Variants in TAS2R31 observed in about 807,000 individuals in gnomAD.
TAS2R31 encodes the protein taste 2 receptor member 31, also known as taste receptor type 2 member 31.
For synonymous variants in TAS2R31, 118 were observed against 131.4 expected (o/e 0.90, Z 0.70); for missense variants, 352 against 347.4 (o/e 1.01, Z -0.10).
At position 11,030,578 on chromosome 12, in the gene TAS2R31, C is replaced by G. The variant is rs774442911; in HGVS notation, c.758G>C (p.Gly253Ala). Residue 253 changes from glycine (G) to alanine (A), a missense_variant, in exon 1 of 1, where the codon GGG becomes GCG. Physicochemically the swap from Gly to Ala is moderately conservative, Grantham distance 60 (BLOSUM62 0). Transcript: ENST00000390675. ...LSIMISVWSF[G>A]SLENKPVFMF... ...GAAGACAGGTTTGTTTTCCAGACTC[C>G]CAAAACTCCAAACTGATATCATTAT... 18 of 1,574,090 alleles carry G rather than the reference C, an allele frequency of 1.1e-5. No homozygotes were observed. The South Asian group carries it at 1.9e-4, about 17-fold the overall frequency.
At position 11,031,161 on chromosome 12, in the gene TAS2R31, G is replaced by C. The variant is rs753650026; in HGVS notation, c.175C>G (p.Leu59Val). ...TALAVSRVGL[L>V]WVLLLNWYST... Reference sequence around the variant, plus strand: ...TACCAATTTAATAATAATACCCAGAGCAAACCAACTCTGGAGACCGCCAGA... The same window carrying C: ...TACCAATTTAATAATAATACCCAGACCAAACCAACTCTGGAGACCGCCAGA... The change falls in exon 1 of 1, where the codon CTC becomes GTC. Residue 59 changes from leucine to valine, a missense_variant. By Grantham distance (32) the Leu-to-Val change is conservative (BLOSUM62 1). Transcript: ENST00000390675. 3.7e-6 allele frequency: 6 copies of C among 1,614,206 alleles called. No individual in the cohort carries two copies. Among genetic ancestry groups the C allele is most frequent in the Non-Finnish European group, 5.1e-6 (6 of 1,180,028 alleles).
At position 11,031,051 on chromosome 12, in the gene TAS2R31, G is replaced by C; in HGVS notation, c.285C>G (p.Ser95Arg). The change falls in exon 1 of 1, where the codon AGC becomes AGG. Residue 95 changes from serine (S) to arginine (R), a missense_variant. By Grantham distance (110) the Ser-to-Arg change is moderately radical. Coordinates refer to ENST00000390675, the MANE Select transcript of TAS2R31 (RefSeq NM_176885.2). Reference sequence around the variant, plus strand: ...TGCTGAGGCTAGTAGCAAGCCAGTTGCTGAAATGGCCGGTTACTGCCCAGA... The same window carrying C: ...TGCTGAGGCTAGTAGCAAGCCAGTTCCTGAAATGGCCGGTTACTGCCCAGA... The part of the protein sequence containing the change: ...YNVWAVTGHF[S>R]NWLATSLSIF... The C allele has an allele frequency of 6.2e-7, 1 of 1,614,302 alleles. No individual in the cohort carries two copies. The highest frequency in any genetic ancestry group is 8.5e-7 in the Non-Finnish European group (1 of 1,180,056).
Position 11,030,690 on chromosome 12 carries a change from A to T in TAS2R31, c.646T>A (p.Ser216Thr), listed in dbSNP as rs1942153618. The change falls in exon 1 of 1, where the codon TCT becomes ACT. Residue 216 changes from serine (S) to threonine (T), a missense_variant. Transcript: ENST00000390675. ...TGGACCTTGGTGCTGGGATCTTGAG[A>T]TCCTTTACCATGGAGCTGCATCTTC... ...LKKMQLHGKG[S>T]QDPSTKVHIK... 1.2e-6 allele frequency: 2 copies of T among 1,614,100 alleles called. No homozygotes were observed. Among genetic ancestry groups the T allele is most frequent in the African/African-American group, 1.3e-5 (1 of 74,932 alleles).
rs745382271 is a variant in TAS2R31, at chr12:11,030,869, T to C, written c.467A>G (p.Lys156Arg). Residue 156 changes from lysine to arginine, a missense_variant, in exon 1 of 1, where the codon AAA (lysine) becomes AGA (arginine). Coordinates refer to ENST00000390675, the MANE Select transcript of TAS2R31 (RefSeq NM_176885.2). ...CCAAGTCAAGTTTCCTTCATATTCTTTTGTCCGTACAATCTCTTTCATGTT... is the reference window on the plus strand; with the variant it reads ...CCAAGTCAAGTTTCCTTCATATTCTCTTGTCCGTACAATCTCTTTCATGTT... The part of the protein sequence containing the change: ...VINMKEIVRT[K>R]EYEGNLTWKI... 6.2e-7 allele frequency: 1 copy of C among 1,614,176 alleles called. No individual in the cohort carries two copies. Among genetic ancestry groups the C allele is most frequent in the Non-Finnish European group, 8.5e-7 (1 of 1,179,994 alleles).
the TAS2R31 span, chr12:11,030,755 CAT>C: frequency 1.3e-5 from 20 of 1,598,930 alleles, no homozygotes; most frequent in Non-Finnish European, 1.6e-5. Flanking sequence ...CAGCAAAAAA[CAT>C]AGCAGGGTCA....
Position 11,031,166 on chromosome 12 carries a change from C to A in TAS2R31, c.170G>T (p.Gly57Val). The change falls in exon 1 of 1, where the codon GGT becomes GTT. Residue 57 changes from glycine to valine, a missense_variant. By Grantham distance (109) the Gly-to-Val change is moderately radical. Transcript: ENST00000390675. Reference protein sequence around the residue: ...ILTALAVSRVGLLWVLLLNWY... With the variant: ...ILTALAVSRVVLLWVLLLNWY... ...ATTTAATAATAATACCCAGAGCAAA[C>A]CAACTCTGGAGACCGCCAGAGCAGT... 1 of 1,614,194 alleles carries A rather than the reference C, an allele frequency of 6.2e-7. No individual in the cohort carries two copies. Among genetic ancestry groups the A allele is most frequent in the Non-Finnish European group, 8.5e-7 (1 of 1,180,026 alleles).
rs761224141 is a variant in TAS2R31 at position 11,031,063 on chromosome 12, G to T, written c.273C>A (p.Thr91=). ...TAGCAAGCCAGTTGCTGAAATGGCCGGTTACTGCCCAGACATTATAAGCAG... is the reference window on the plus strand; with the variant it reads ...TAGCAAGCCAGTTGCTGAAATGGCCTGTTACTGCCCAGACATTATAAGCAG... The part of the protein sequence containing the change: ...RTTAYNVWAV[T]GHFSNWLATS... Residue 91 remains threonine, a synonymous_variant, in exon 1 of 1, where the codon ACC becomes ACA. Transcript: ENST00000390675. 4 of 1,614,268 alleles carry T rather than the reference G, an allele frequency of 2.5e-6. No homozygotes were observed. Among genetic ancestry groups the T allele is most frequent in the South Asian group, 1.1e-5 (1 of 91,090 alleles).
In TAS2R31 at chr12:11,030,480, G is replaced by C. The variant is rs1235860455; in HGVS notation, c.856C>G (p.Leu286Val). ...AAAACTGAAAGAAAAGTCTGCTTTA[G>C]CTTCTTGTTTCCCCAAATCAGGATG... Reference protein sequence around the residue: ...PFILIWGNKKLKQTFLSVLRQ... With the variant: ...PFILIWGNKKVKQTFLSVLRQ... The change falls in exon 1 of 1, where the codon CTA (leucine) becomes GTA (valine). Residue 286 changes from leucine (L) to valine (V), a missense_variant. Leu to Val is a conservative substitution (Grantham distance 32). Transcript: ENST00000390675. The C allele has an allele frequency of 1.4e-5, 22 of 1,614,278 alleles. No individual in the cohort carries two copies. The highest frequency in any genetic ancestry group is 1.9e-5 in the Non-Finnish European group (22 of 1,180,044).
rs1323095775 is a variant in TAS2R31 at position 11,031,360 on chromosome 12, T to C, written c.-25A>G. 2 of 1,605,216 alleles carry C rather than the reference T, an allele frequency of 1.2e-6. No individual in the cohort carries two copies. Among genetic ancestry groups the C allele is most frequent in the South Asian group, 2.2e-5 (2 of 89,414 alleles). ...TGTCTGAACAGACAAAAAAAAATTG[T>C]TTTAATGCTGGTGTTGTGTCCGGAG... is the stretch of plus-strand genomic sequence containing the variant. On this transcript the variant is annotated 5_prime_UTR_variant, in exon 1 of 1. Transcript: ENST00000390675.
Position 11,031,233 on chromosome 12 carries a change from G to A in TAS2R31, c.103C>T (p.Arg35Trp), listed in dbSNP as rs10845295. Residue 35 changes from arginine to tryptophan, a missense_variant, in exon 1 of 1, where the codon CGG (arginine) becomes TGG (tryptophan). By Grantham distance (101) the Arg-to-Trp change is moderately radical. Transcript: ENST00000390675. The stretch of plus-strand genomic sequence containing the variant: ...AAAGAGATCTTTTGTCTCTTGACCC[G>A]CTCAATGGAATTTACCAATGCTATG... ...GFIALVNSIE[R>W]VKRQKISFAD... 0.5 allele frequency: 762,427 copies of A among 1,538,912 alleles called. 186,874 individuals are homozygous for A. Among genetic ancestry groups the A allele is most frequent in the Non-Finnish European group, 0.53 (600,201 of 1,133,972 alleles).
Position 11,031,269 on chromosome 12 carries a change from C to T in TAS2R31, c.67G>A (p.Ala23Thr). Residue 23 changes from alanine (A) to threonine (T), a missense_variant, in exon 1 of 1, where the codon GCT becomes ACT. By Grantham distance (58) the Ala-to-Thr change is moderately conservative. Transcript: ENST00000390675. ...TTTACCAATGCTATGAAGCCATTAG[C>T]AAAATTTCCAATAACAAATAGAACC... ...VVVLFVIGNF[A>T]NGFIALVNSI... is the part of the protein sequence containing the mutation. 1 of 1,613,902 alleles carries T rather than the reference C, an allele frequency of 6.2e-7. No homozygotes were observed. Among genetic ancestry groups the T allele is most frequent in the Non-Finnish European group, 8.5e-7 (1 of 1,179,882 alleles).
rs774250089 is a variant in TAS2R31, at chr12:11,031,359, GT to G, written c.-25del. 6.9e-7 allele frequency: 1 copy of G among 1,445,108 alleles called. No homozygotes were observed. Among genetic ancestry groups the G allele is most frequent in the Non-Finnish European group, 9.4e-7 (1 of 1,067,026 alleles). 89.5% of individuals were successfully genotyped at this position (1,445,108 alleles called of 1,614,324 possible). ...ATGTCTGAACAGACAAAAAAAAATT[GT>G]TTTAATGCTGGTGTTGTGTCCGGAG... is the stretch of plus-strand genomic sequence containing the variant. On this transcript the variant is annotated 5_prime_UTR_variant, in exon 1 of 1. Coordinates refer to ENST00000390675, the MANE Select transcript of TAS2R31 (RefSeq NM_176885.2).
rs781702749 is a variant in TAS2R31, at chr12:11,030,413, G to A, written c.923C>T (p.Ser308Phe). 1.2e-5 allele frequency: 20 copies of A among 1,613,626 alleles called. No homozygotes were observed. Among genetic ancestry groups the A allele is most frequent in the Admixed American group, 1.7e-5 (1 of 59,958 alleles). ...AATGCCCCTCTCATGAATCTATGGA[G>A]ATGAAGGCTTCTCTCCTTTCACCCA... is the stretch of plus-strand genomic sequence containing the variant. The part of the protein sequence containing the change: ...RYWVKGEKPS[S>F]P Residue 308 changes from serine (S) to phenylalanine (F), a missense_variant, in exon 1 of 1, where the codon TCT becomes TTT. Physicochemically the swap from Ser to Phe is radical, Grantham distance 155. Transcript: ENST00000390675.
chr12:11,031,053 T>C lies in TAS2R31; in HGVS notation c.283A>G (p.Ser95Gly), dbSNP rs1409527083. ...YNVWAVTGHF[S>G]NWLATSLSIF... ...CTGAGGCTAGTAGCAAGCCAGTTGC[T>C]GAAATGGCCGGTTACTGCCCAGACA... Residue 95 changes from serine to glycine, a missense_variant, in exon 1 of 1, where the codon AGC (serine) becomes GGC (glycine). Physicochemically the swap from Ser to Gly is moderately conservative, Grantham distance 56. Transcript: ENST00000390675. 2 of 1,614,308 alleles carry C rather than the reference T, an allele frequency of 1.2e-6. No homozygotes were observed. Among genetic ancestry groups the C allele is most frequent in the South Asian group, 2.2e-5 (2 of 91,092 alleles).
chr12:11,030,641 A>G lies in TAS2R31; in HGVS notation c.695T>C (p.Ile232Thr). The G allele has an allele frequency of 6.2e-7, 1 of 1,614,214 alleles. No homozygotes were observed. Among genetic ancestry groups the G allele is most frequent in the Non-Finnish European group, 8.5e-7 (1 of 1,180,034 alleles). Residue 232 changes from isoleucine (I) to threonine (T), a missense_variant, in exon 1 of 1, where the codon ATC becomes ACC. Ile to Thr is a moderately conservative substitution (Grantham distance 89). Coordinates refer to ENST00000390675, the MANE Select transcript of TAS2R31 (RefSeq NM_176885.2). ...AACGGCACATAACAAGAGGAAAAAGATCACAGTTTGCAAAGCTTTTATGTG... is the reference window on the plus strand; with the variant it reads ...AACGGCACATAACAAGAGGAAAAAGGTCACAGTTTGCAAAGCTTTTATGTG... ...KVHIKALQTV[I>T]FFLLLCAVYF... is the part of the protein sequence containing the mutation.
Position 11,031,011 on chromosome 12 carries a change from T to G in TAS2R31, c.325A>C (p.Lys109Gln). Reference sequence around the variant, plus strand: ...ATAAGGTTGGAGAAATTGGCAATCTTGAGCAAATAAAATATGCTGAGGCTA... The same window carrying G: ...ATAAGGTTGGAGAAATTGGCAATCTGGAGCAAATAAAATATGCTGAGGCTA... ...ATSLSIFYLL[K>Q]IANFSNLIFL... The change falls in exon 1 of 1, where the codon AAG becomes CAG. Residue 109 changes from lysine (K) to glutamine (Q), a missense_variant. Lys to Gln is a moderately conservative substitution (Grantham distance 53). Transcript: ENST00000390675. 6.2e-7 allele frequency: 1 copy of G among 1,614,310 alleles called. No individual in the cohort carries two copies. Among genetic ancestry groups the G allele is most frequent in the South Asian group, 1.1e-5 (1 of 91,092 alleles).
In TAS2R31 at chr12:11,030,848, G is replaced by C; in HGVS notation, c.488C>G (p.Thr163Ser). The change falls in exon 1 of 1, where the codon ACT becomes AGT. Residue 163 changes from threonine (T) to serine (S), a missense_variant. By Grantham distance (58) the Thr-to-Ser change is moderately conservative. Transcript: ENST00000390675. ...TGCACTCCTCAATTTGATCTTCCAA[G>C]TCAAGTTTCCTTCATATTCTTTTGT... is the stretch of plus-strand genomic sequence containing the variant. ...VRTKEYEGNL[T>S]WKIKLRSAVY... is the part of the protein sequence containing the mutation. 1 of 1,614,170 alleles carries C rather than the reference G, an allele frequency of 6.2e-7. No individual in the cohort carries two copies. The highest frequency in any genetic ancestry group is 1.1e-5 in the South Asian group (1 of 91,080).
Position 11,030,462 on chromosome 12 carries a change from A to G in TAS2R31, c.874T>C (p.Ser292Pro). The change falls in exon 1 of 1, where the codon TCA becomes CCA. Residue 292 changes from serine (S) to proline (P), a missense_variant. Coordinates refer to ENST00000390675, the MANE Select transcript of TAS2R31 (RefSeq NM_176885.2). ...CAGTACCTCACTTGCCGCAAAACTG[A>G]AAGAAAAGTCTGCTTTAGCTTCTTG... ...GNKKLKQTFLSVLRQVRYWVK... is the reference protein window; with the variant it reads ...GNKKLKQTFLPVLRQVRYWVK... The G allele has an allele frequency of 3.1e-6, 5 of 1,614,280 alleles. No individual in the cohort carries two copies. Among genetic ancestry groups the G allele is most frequent in the Non-Finnish European group, 4.2e-6 (5 of 1,180,044 alleles).
chr12:11,030,492 C>T lies in TAS2R31; in HGVS notation c.844G>A (p.Gly282Arg). The T allele has an allele frequency of 1.9e-6, 3 of 1,614,250 alleles. No homozygotes were observed. Among genetic ancestry groups the T allele is most frequent in the Non-Finnish European group, 2.5e-6 (3 of 1,180,036 alleles). ...PSIHPFILIW[G>R]NKKLKQTFLS... ...AAAGTCTGCTTTAGCTTCTTGTTTCCCCAAATCAGGATGAATGGGTGGATT... is the reference window on the plus strand; with the variant it reads ...AAAGTCTGCTTTAGCTTCTTGTTTCTCCAAATCAGGATGAATGGGTGGATT... The change falls in exon 1 of 1, where the codon GGA becomes AGA. Residue 282 changes from glycine to arginine, a missense_variant. By Grantham distance (125) the Gly-to-Arg change is moderately radical (BLOSUM62 -2). Transcript: ENST00000390675.
Sources: allele counts gnomAD v4.1 joint callset, GRCh38; gene constraint gnomAD v4.1.1; transcripts MANE v1.5; gene names NCBI Gene and HGNC (gene_info 2026-07-23, HGNC 2026-07-21).